SORCS1: variants seen among roughly 807,000 people sequenced by gnomAD.
SORCS1 encodes VPS10 domain-containing receptor SorCS1.
A neutral mutation model predicts 146.1 loss-of-function variants in SORCS1; 60 were observed. The observed-to-expected ratio is 0.41, with a 90% CI of 0.33 to 0.51. The LOEUF (loss-of-function observed/expected upper bound fraction) is 0.51, where lower values mean the gene tolerates loss of function less well. Ranked by LOEUF, SORCS1 falls within the 20% of genes least tolerant of loss-of-function variation. The pLI, the probability that SORCS1 is intolerant of heterozygous loss-of-function variation, is 0.21. For synonymous variants in SORCS1, 637 were observed against 584.0 expected (o/e 1.09, Z -1.31); for missense variants, 1,352 against 1,487.6 (o/e 0.91, Z 1.50).
At chr10:106,838,674 G>C (rs1948893077) in intron 2 of SORCS1, among the ~76,000 whole-genome samples, 1 of 152,064 alleles carries the variant, frequency 6.6e-6, no homozygotes, top group Non-Finnish European at 1.5e-5. Context: ...GTCATATATA[G>C]GCATACCTTG....
At chr10:106,830,932 C>T (rs1948516745) in intron 2 of SORCS1, among the ~76,000 whole-genome samples, 1 of 151,820 alleles carries the variant, frequency 6.6e-6, no homozygotes, top group African/African-American at 2.4e-5. Flanking sequence ...CACTGGCTCA[C>T]ACCTGTAATC....
intron 4 of SORCS1, among the ~76,000 whole-genome samples, chr10:106,767,723 T>C (rs890355432): frequency 2.0e-5 from 3 of 151,950 alleles, no homozygotes; most frequent in Non-Finnish European, 4.4e-5. Context: ...ACTCATGACC[T>C]CAAGAGATCT....
At chr10:106,956,996 C>A (rs1954975937) in intron 1 of SORCS1, among the ~76,000 whole-genome samples, 1 of 152,124 alleles carries the variant, frequency 6.6e-6, no homozygotes, top group Non-Finnish European at 1.5e-5. Context: ...CCCAATGTGC[C>A]TAGCTACCAT....
At chr10:107,050,380 G>C (rs1310145407) in intron 1 of SORCS1, among the ~76,000 whole-genome samples, 1 of 152,062 alleles carries the variant, frequency 6.6e-6, no homozygotes, top group Non-Finnish European at 1.5e-5. Flanking sequence ...TCAGACATAA[G>C]GAAAATTCCT....
chr10:106,722,616 G>T (rs1855863065), intron 6 of SORCS1, among the ~76,000 whole-genome samples: 1 of 152,154 alleles, frequency 6.6e-6, no homozygotes. Context: ...CTTGTTATGA[G>T]GTTACTTATT....
At chr10:107,104,417 T>C (rs1965160748) in intron 1 of SORCS1, among the ~76,000 whole-genome samples, 5 of 152,190 alleles carry the variant, frequency 3.3e-5, no homozygotes. Context: ...GTCACCTTCC[T>C]TCTCCTGAAA....
At chr10:107,132,889 A>G (rs1966971989) in intron 1 of SORCS1, among the ~76,000 whole-genome samples, 1 of 152,228 alleles carries the variant, frequency 6.6e-6, no homozygotes, top group South Asian at 2.1e-4. Context: ...ACCTTGTACA[A>G]CTAACTCAAC....
the SORCS1 span, among the ~76,000 whole-genome samples, chr10:107,169,757 A>G: frequency 0.23 from 35,537 of 152,112 alleles, 4,316 homozygotes; most frequent in African/African-American, 0.29. Context: ...CACAGACTCA[A>G]AGACAAGACT....
chr10:107,033,226 C>G (rs536780258), intron 1 of SORCS1, among the ~76,000 whole-genome samples: 56 of 152,142 alleles, frequency 3.7e-4, no homozygotes, highest in Non-Finnish European at 6.0e-4. Flanking sequence ...CAGCAGATCT[C>G]GTGAGAACTC....
At chr10:106,675,486 T>C (rs1208598874) in intron 13 of SORCS1, among the ~76,000 whole-genome samples, 1 of 152,180 alleles carries the variant, frequency 6.6e-6, no homozygotes, top group East Asian at 1.9e-4. Context: ...CCAAAACCTC[T>C]CTACTGTCTA....
intron 3 of SORCS1, among the ~76,000 whole-genome samples, chr10:106,804,115 G>A (rs1947047410): frequency 6.6e-6 from 1 of 152,086 alleles, no homozygotes; most frequent in Non-Finnish European, 1.5e-5. Flanking sequence ...TGATGGGAGA[G>A]AGTGAAAAAG....
chr10:106,958,625 G>A (rs822094), intron 1 of SORCS1, among the ~76,000 whole-genome samples: 36,336 of 150,692 alleles, frequency 0.24, 7,206 homozygotes, highest in African/African-American at 0.51. Flanking sequence ...ATCTAAGGCC[G>A]CCCCTCTCCT....
At chr10:106,614,808 C>A (rs186610284) in intron 21 of SORCS1, among the ~76,000 whole-genome samples, 71 of 152,200 alleles carry the variant, frequency 4.7e-4, no homozygotes, top group Non-Finnish European at 9.3e-4. Flanking sequence ...ATAGGGGATG[C>A]GTGTGGGCGG....
At chr10:107,041,902 A>T (rs187383088) in intron 1 of SORCS1, among the ~76,000 whole-genome samples, 24 of 152,328 alleles carry the variant, frequency 1.6e-4, no homozygotes, top group African/African-American at 4.3e-4. Context: ...GGCTTTGATA[A>T]CATGAAAAGC....
chr10:107,027,521 G>C (rs1415378834), intron 1 of SORCS1, among the ~76,000 whole-genome samples: 1 of 152,110 alleles, frequency 6.6e-6, no homozygotes, highest in Non-Finnish European at 1.5e-5. Context: ...CGCTCTGTAT[G>C]ATCACCATCT....
intron 3 of SORCS1, among the ~76,000 whole-genome samples, chr10:106,781,834 A>C (rs948390871): frequency 2.6e-5 from 4 of 152,152 alleles, no homozygotes; most frequent in Non-Finnish European, 4.4e-5. Flanking sequence ...ACAGGATCCC[A>C]GAATGAACCA....
chr10:106,623,233 C>T (rs1847865698), intron 19 of SORCS1, among the ~76,000 whole-genome samples: 1 of 149,760 alleles, frequency 6.7e-6, no homozygotes, highest in Admixed American at 6.6e-5. Context: ...TTTTGTCTCT[C>T]ATATGTGAGC....
At chr10:106,951,335 C>T (rs982769199) in intron 2 of SORCS1, among the ~76,000 whole-genome samples, 1 of 151,930 alleles carries the variant, frequency 6.6e-6, no homozygotes, top group South Asian at 2.1e-4. Flanking sequence ...CATGGTGAAA[C>T]CCCGTCTCTA....
intron 1 of SORCS1, among the ~76,000 whole-genome samples, chr10:107,103,138 C>T (rs1965058693): frequency 6.6e-6 from 1 of 152,160 alleles, no homozygotes; most frequent in Non-Finnish European, 1.5e-5. Context: ...TGAATTATTA[C>T]TCTTTGACAT....
Sources: allele counts gnomAD v4.1 joint callset (sites outside exome capture counted in the v4.1 genomes callset), GRCh38; gene constraint gnomAD v4.1.1; transcripts MANE v1.5; gene names NCBI Gene and HGNC (gene_info 2026-07-23, HGNC 2026-07-21).